SYT1: variants seen among roughly 807,000 people sequenced by gnomAD.
The protein encoded by SYT1 is synaptotagmin-1.
Under a neutral mutation model 44.8 loss-of-function variants are expected in SYT1, and 8 were observed. That is an observed-to-expected ratio of 0.18 (90% CI 0.10 to 0.32). SYT1 has a LOEUF of 0.32. SYT1 is among the 10% of genes least tolerant of loss of function. The pLI, the probability that SYT1 is intolerant of heterozygous loss-of-function variation, is 1.00. For missense variants in SYT1, 286 were observed against 509.3 expected (o/e 0.56, Z 4.22); for synonymous variants, 154 against 188.8 (o/e 0.82, Z 1.51).
At chr12:79,401,350 T>C (rs1250211916) in intron 9 of SYT1, among the ~76,000 whole-genome samples, 1 of 151,992 alleles carries the variant, frequency 6.6e-6, no homozygotes, top group African/African-American at 2.4e-5. Context: ...ACTATGATTG[T>C]GCCACTGCAC....
At chr12:79,206,693 A>G (rs1171362940) in intron 3 of SYT1, among the ~76,000 whole-genome samples, 1 of 152,228 alleles carries the variant, frequency 6.6e-6, no homozygotes, top group Non-Finnish European at 1.5e-5. Context: ...CACAGTGAAG[A>G]GTTACTGACA....
chr12:79,359,684 C>T (rs113219720), intron 9 of SYT1, among the ~76,000 whole-genome samples: 11 of 152,222 alleles, frequency 7.2e-5, no homozygotes, highest in African/African-American at 2.2e-4. Context: ...CCCTGTCCCC[C>T]TCCCTCCACC....
At chr12:79,183,036 A>G (rs76251455) in intron 3 of SYT1, among the ~76,000 whole-genome samples, 1 of 152,212 alleles carries the variant, frequency 6.6e-6, no homozygotes, top group South Asian at 2.1e-4. Context: ...GAATTTAAGA[A>G]ATATTTCATC....
Position 79,039,484 on chromosome 12 carries a change from A to G in SYT1, c.-83-7813A>G, listed in dbSNP as rs144410182. Among the ~76,000 whole-genome samples, 884 of 152,166 alleles carry G rather than the reference A, an allele frequency of 5.8e-3. 5 individuals carry two copies. Among genetic ancestry groups the G allele is most frequent in the African/African-American group, 0.016 (676 of 41,540 alleles). On this transcript the variant is annotated intron_variant, in intron 2 of 10. Transcript: ENST00000261205. ...CCTCTAAAATAAAGACAAGGCATTTATACATGCAAGAAATAGAAATTAGCT... is the reference window on the plus strand; with the variant it reads ...CCTCTAAAATAAAGACAAGGCATTTGTACATGCAAGAAATAGAAATTAGCT...
At chr12:79,208,426 T>TA (rs2065855982) in intron 3 of SYT1, among the ~76,000 whole-genome samples, 1 of 151,902 alleles carries the variant, frequency 6.6e-6, no homozygotes, top group Non-Finnish European at 1.5e-5. Flanking sequence ...GAGACCTAAC[T>TA]AAAAATGATT....
intron 3 of SYT1, among the ~76,000 whole-genome samples, chr12:79,157,013 GAA>G (rs1870640063): frequency 6.6e-6 from 1 of 152,078 alleles, no homozygotes; most frequent in South Asian, 2.1e-4. Flanking sequence ...TGATGGGGAG[GAA>G]AAGAGGAGGA....
At chr12:79,039,681 T>G (rs1379117604) in intron 2 of SYT1, among the ~76,000 whole-genome samples, 4 of 151,348 alleles carry the variant, frequency 2.6e-5, no homozygotes, top group Non-Finnish European at 5.9e-5. Context: ...TGCAGGTTAG[T>G]TACATATGTA....
At chr12:78,912,726 G>A (rs1256125205) in intron 1 of SYT1, among the ~76,000 whole-genome samples, 1 of 151,818 alleles carries the variant, frequency 6.6e-6, no homozygotes, top group Non-Finnish European at 1.5e-5. Context: ...ATAATTATTG[G>A]CTTATTGGGC....
chr12:79,255,100 A>C (rs1487439762), intron 4 of SYT1, among the ~76,000 whole-genome samples: 1 of 152,230 alleles, frequency 6.6e-6, no homozygotes, highest in Non-Finnish European at 1.5e-5. Flanking sequence ...GTAAAATGTT[A>C]TCAAACAGTA....
intron 8 of SYT1, among the ~76,000 whole-genome samples, chr12:79,328,263 T>C (rs1482210123): frequency 6.6e-6 from 1 of 152,146 alleles, no homozygotes; most frequent in East Asian, 1.9e-4. Flanking sequence ...TGAAAATAAT[T>C]TCAATTAGTT....
chr12:79,449,507 C>G lies in SYT1; in HGVS notation c.*383C>G, dbSNP rs555323982. The G allele has an allele frequency of 5.3e-6, 1 of 188,466 alleles. No individual in the cohort carries two copies. The highest frequency in any genetic ancestry group is 5.6e-5 in the Admixed American group (1 of 17,794). The allele number at this position is 188,466 out of a possible 1,614,324, so 11.7% of individuals were successfully genotyped here. A position where few individuals can be genotyped will look rare whatever the true frequency, so the allele number is the denominator to read the frequency against. ...TTTTAATAAGATGTTCTATTTTAAA[C>G]TATGTAAATTGACTGAGATATAGGA... is the stretch of plus-strand genomic sequence containing the variant. On this transcript the variant is annotated 3_prime_UTR_variant, in exon 11 of 11. Coordinates refer to ENST00000261205, the MANE Select transcript of SYT1 (RefSeq NM_005639.3).
intron 9 of SYT1, among the ~76,000 whole-genome samples, chr12:79,404,880 T>C (rs1489676426): frequency 6.6e-6 from 1 of 152,210 alleles, no homozygotes; most frequent in African/African-American, 2.4e-5. Flanking sequence ...ATGTACCCTC[T>C]TTGTGACATT....
chr12:79,441,082 G>C (rs776499489), intron 9 of SYT1, among the ~76,000 whole-genome samples: 7 of 152,098 alleles, frequency 4.6e-5, no homozygotes, highest in Non-Finnish European at 1.0e-4. Flanking sequence ...CCCATCCCAG[G>C]TACATAACAT....
At chr12:78,920,294 A>C (rs1033795205) in intron 1 of SYT1, among the ~76,000 whole-genome samples, 2 of 152,018 alleles carry the variant, frequency 1.3e-5, no homozygotes, top group South Asian at 2.1e-4. Context: ...ATGTTTTACA[A>C]GATAAGAAAT....
chr12:79,039,694 C>G (rs1364191738), intron 2 of SYT1, among the ~76,000 whole-genome samples: 1 of 149,708 alleles, frequency 6.7e-6, no homozygotes, highest in Non-Finnish European at 1.5e-5. Context: ...CATATGTATA[C>G]ATGTGCCATG....
chr12:79,005,501 T>C (rs1372660731), intron 2 of SYT1, among the ~76,000 whole-genome samples: 9 of 152,200 alleles, frequency 5.9e-5, no homozygotes, highest in Non-Finnish European at 1.3e-4. Flanking sequence ...AGGGCTGTTG[T>C]ACATTAATCA....
chr12:79,293,370 TAAA>T lies in SYT1; in HGVS notation c.474+1242_474+1244del, dbSNP rs1879703293. On this transcript the variant is annotated intron_variant, in intron 6 of 10. Transcript: ENST00000261205. The stretch of plus-strand genomic sequence containing the variant: ...TAAAATAAAATAAAATAAAATAAAA[TAAA>T]ATAAAATAAAATAAAATAAAATAAA... Among the ~76,000 whole-genome samples the T allele has an allele frequency of 3.6e-5, 5 of 138,780 alleles. No homozygotes were observed. The Admixed American group carries it at 3.6e-4, about 10-fold the overall frequency. 91.0% of individuals were successfully genotyped at this position (138,780 alleles called of 152,430 possible).
At chr12:79,242,538 G>A (rs1007297302) in intron 4 of SYT1, among the ~76,000 whole-genome samples, 23 of 152,184 alleles carry the variant, frequency 1.5e-4, no homozygotes, top group African/African-American at 5.3e-4. Flanking sequence ...AAGAAATTAA[G>A]TTTTCAAGCA....
chr12:79,337,503 C>A (rs963227796), intron 8 of SYT1, among the ~76,000 whole-genome samples: 1 of 152,192 alleles, frequency 6.6e-6, no homozygotes, highest in Non-Finnish European at 1.5e-5. Context: ...AATTAGGATG[C>A]ACTAGCAGAA....
Sources: allele counts gnomAD v4.1 joint callset (sites outside exome capture counted in the v4.1 genomes callset), GRCh38; gene constraint gnomAD v4.1.1; transcripts MANE v1.5; gene names NCBI Gene and HGNC (gene_info 2026-07-23, HGNC 2026-07-21).